SYT1: variants seen among roughly 807,000 people sequenced by gnomAD.
SYT1 encodes synaptotagmin-1.
SYT1 carries 8 observed loss-of-function variants against 44.8 expected under a neutral mutation model. The ratio of observed to expected loss-of-function variants is 0.18; its 90% confidence interval spans 0.10 to 0.32. The LOEUF is 0.32. Among genes scored for constraint, SYT1 ranks in the 10% least tolerant of loss-of-function variants. The pLI, the probability that SYT1 is intolerant of heterozygous loss-of-function variation, is 1.00. For missense variants in SYT1, 286 were observed against 509.3 expected (o/e 0.56, Z 4.22); for synonymous variants, 154 against 188.8 (o/e 0.82, Z 1.51).
chr12:79,007,843 A>G (rs1049622905), intron 2 of SYT1, among the ~76,000 whole-genome samples: 3 of 152,000 alleles, frequency 2.0e-5, no homozygotes, highest in Admixed American at 2.0e-4. Context: ...GTAGATTCTG[A>G]GATAGGAAAT....
At chr12:79,188,678 T>C (rs1872937873) in intron 3 of SYT1, among the ~76,000 whole-genome samples, 1 of 152,128 alleles carries the variant, frequency 6.6e-6, no homozygotes, top group Non-Finnish European at 1.5e-5. Context: ...CTAATACTCT[T>C]TTTTTCTATC....
At chr12:78,994,706 T>C (rs1163745206) in intron 2 of SYT1, among the ~76,000 whole-genome samples, 2 of 151,886 alleles carry the variant, frequency 1.3e-5, no homozygotes, top group African/African-American at 4.8e-5. Context: ...CAGCTAATTT[T>C]TTGTATTTTT....
At chr12:79,264,391 G>C (rs546148853) in intron 4 of SYT1, among the ~76,000 whole-genome samples, 1 of 152,112 alleles carries the variant, frequency 6.6e-6, no homozygotes, top group East Asian at 1.9e-4. Context: ...CAGTGGAAAC[G>C]TGATAAAGTT....
At chr12:79,205,259 G>C (rs1007333450) in intron 3 of SYT1, among the ~76,000 whole-genome samples, 1 of 152,014 alleles carries the variant, frequency 6.6e-6, no homozygotes, top group Non-Finnish European at 1.5e-5. Context: ...ACCGCACCCG[G>C]CCTCCTGTTG....
At chr12:79,078,226 C>A (rs554210584) in intron 3 of SYT1, among the ~76,000 whole-genome samples, 1 of 152,222 alleles carries the variant, frequency 6.6e-6, no homozygotes, top group African/African-American at 2.4e-5. Flanking sequence ...TGACTTTAGA[C>A]TTAGAGTTGG....
At chr12:79,404,110 GCC>G (rs1334224238) in intron 9 of SYT1, among the ~76,000 whole-genome samples, 10 of 152,072 alleles carry the variant, frequency 6.6e-5, no homozygotes, top group African/African-American at 2.4e-4. Context: ...AAGAAACTTG[GCC>G]TCTGAGTACA....
intron 3 of SYT1, among the ~76,000 whole-genome samples, chr12:79,175,900 A>G (rs1288890056): frequency 1.3e-5 from 2 of 152,090 alleles, no homozygotes; most frequent in African/African-American, 4.8e-5. Flanking sequence ...AAGTGATGAA[A>G]CATTTTAAAT....
At chr12:78,992,935 T>G (rs1312148374) in intron 2 of SYT1, among the ~76,000 whole-genome samples, 6 of 152,200 alleles carry the variant, frequency 3.9e-5, no homozygotes, top group Non-Finnish European at 5.9e-5. Flanking sequence ...TTAGGTATCT[T>G]TCCTCAGAAT....
At chr12:79,107,640 A>G (rs985444503) in intron 3 of SYT1, among the ~76,000 whole-genome samples, 4 of 152,040 alleles carry the variant, frequency 2.6e-5, no homozygotes, top group Non-Finnish European at 4.4e-5. Flanking sequence ...TGCAGAGCTC[A>G]TGCTTATATG....
At chr12:79,085,302 G>T (rs1877307598) in intron 3 of SYT1, among the ~76,000 whole-genome samples, 1 of 152,112 alleles carries the variant, frequency 6.6e-6, no homozygotes, top group Non-Finnish European at 1.5e-5. Context: ...TCCACTTGTG[G>T]CGTCATGTCT....
At chr12:79,230,650 A>T (rs1370795367) in intron 4 of SYT1, among the ~76,000 whole-genome samples, 1 of 152,220 alleles carries the variant, frequency 6.6e-6, no homozygotes, top group Admixed American at 6.5e-5. Flanking sequence ...GCTACATTTC[A>T]GGAAGGCTGT....
intron 3 of SYT1, among the ~76,000 whole-genome samples, chr12:79,058,588 GA>G (rs1359494147): frequency 1.3e-5 from 2 of 151,982 alleles, no homozygotes; most frequent in African/African-American, 2.4e-5. Context: ...AAATGTCTAA[GA>G]AAAAATAATT....
intron 3 of SYT1, among the ~76,000 whole-genome samples, chr12:79,141,337 A>G (rs1201154407): frequency 6.6e-6 from 1 of 152,018 alleles, no homozygotes; most frequent in East Asian, 1.9e-4. Context: ...ATTTCTTCAA[A>G]ATTATACTCC....
intron 9 of SYT1, among the ~76,000 whole-genome samples, chr12:79,377,545 T>C (rs1174668202): frequency 6.6e-6 from 1 of 152,196 alleles, no homozygotes; most frequent in Non-Finnish European, 1.5e-5. Context: ...GCTATTTAAA[T>C]TATAAACAGA....
chr12:79,302,727 A>G (rs1880207387), intron 8 of SYT1, among the ~76,000 whole-genome samples: 1 of 152,090 alleles, frequency 6.6e-6, no homozygotes. Flanking sequence ...AAGCCACCTC[A>G]CTGGTTTCCG....
chr12:78,898,051 A>G (rs1165425308), intron 1 of SYT1, among the ~76,000 whole-genome samples: 1 of 152,046 alleles, frequency 6.6e-6, no homozygotes, highest in African/African-American at 2.4e-5. Flanking sequence ...GCATTCATAA[A>G]CGCTTGAATG....
At chr12:78,891,553 T>C (rs915841487) in intron 1 of SYT1, among the ~76,000 whole-genome samples, 3 of 151,956 alleles carry the variant, frequency 2.0e-5, no homozygotes, top group Non-Finnish European at 1.5e-5. Flanking sequence ...ACAGAATTTC[T>C]AGGTGTTACT....
chr12:79,293,472 T>C (rs1689808708), intron 6 of SYT1, among the ~76,000 whole-genome samples: 1 of 152,072 alleles, frequency 6.6e-6, no homozygotes, highest in African/African-American at 2.4e-5. Context: ...CTCCAGTTCA[T>C]TTTGCTTCTC....
At chr12:79,295,221 C>T (rs1239494691) in intron 6 of SYT1, among the ~76,000 whole-genome samples, 5 of 152,100 alleles carry the variant, frequency 3.3e-5, no homozygotes, top group Admixed American at 6.5e-5. Context: ...TCTCTAATGG[C>T]AGAGTATCTA....
Sources: gnomAD v4.1 joint callset for allele counts (sites outside exome capture counted in the v4.1 genomes callset) on GRCh38, gnomAD v4.1.1 for gene constraint, MANE v1.5 for transcripts, NCBI Gene and HGNC (gene_info 2026-07-23, HGNC 2026-07-21) for gene names.